Variants in ITSN1 observed in about 807,000 individuals in gnomAD.
The protein encoded by ITSN1 is intersectin 1.
ITSN1 carries 58 observed loss-of-function variants against 239.8 expected under a neutral mutation model. The ratio of observed to expected loss-of-function variants is 0.24; its 90% confidence interval spans 0.20 to 0.30. ITSN1 has a LOEUF of 0.30. Among genes scored for constraint, ITSN1 ranks in the 10% least tolerant of loss-of-function variants. ITSN1 has a pLI of 1.00. For missense variants in ITSN1, 1,558 were observed against 2,103.3 expected (o/e 0.74, Z 5.07); for synonymous variants, 780 against 770.8 (o/e 1.01, Z -0.20).
intron 29 of ITSN1, among the ~76,000 whole-genome samples, chr21:33,849,600 A>G (rs2075096390): frequency 6.6e-6 from 1 of 151,746 alleles, no homozygotes; most frequent in Non-Finnish European, 1.5e-5. Flanking sequence ...AGTATTTGAT[A>G]CCACAACAGA....
chr21:33,816,681 T>TG (rs1219046115), intron 22 of ITSN1, among the ~76,000 whole-genome samples: 3 of 152,146 alleles, frequency 2.0e-5, no homozygotes, highest in Non-Finnish European at 4.4e-5. Context: ...AGGCCAACCC[T>TG]GGGGTCCATA....
chr21:33,886,151 G>A (rs948358461), intron 38 of ITSN1, 136 bp from the exon 39 acceptor site: 2 of 649,918 alleles, frequency 3.1e-6, no homozygotes, highest in African/African-American at 3.7e-5. Context: ...GGTGGAGGTT[G>A]CAATGAGCTG....
chr21:33,817,832 G>T (rs1159113637), intron 22 of ITSN1: 2 of 357,038 alleles, frequency 5.6e-6, no homozygotes, highest in Admixed American at 4.4e-5. Context: ...AATCTAAAAT[G>T]CCAGTTAATG....
At chr21:33,775,379 AC>A (rs2069517619) in intron 14 of ITSN1, among the ~76,000 whole-genome samples, 1 of 152,188 alleles carries the variant, frequency 6.6e-6, no homozygotes, top group Non-Finnish European at 1.5e-5. Flanking sequence ...CTGGGAGCTT[AC>A]CCTCTGTTTG....
chr21:33,856,803 C>T lies in ITSN1; in HGVS notation c.3729C>T (p.His1243=), dbSNP rs770796256. Residue 1243 remains histidine, a synonymous_variant, in exon 30 of 40, where the codon CAC becomes CAT. Transcript: ENST00000381318. The stretch of plus-strand genomic sequence containing the variant: ...AAAGAAAGCGACAAGGATACATCCA[C>T]GAGCTCATTGTCACCGAGGAGAACT... ...PTERKRQGYI[H]ELIVTEENYV... 54 of 1,614,136 alleles carry T rather than the reference C, an allele frequency of 3.3e-5. No individual in the cohort carries two copies. Among genetic ancestry groups the T allele is most frequent in the Middle Eastern group, 1.6e-4 (1 of 6,062 alleles).
chr21:33,874,991 A>G (rs1009095065), intron 33 of ITSN1, among the ~76,000 whole-genome samples: 6 of 152,322 alleles, frequency 3.9e-5, no homozygotes, highest in Admixed American at 1.3e-4. Context: ...CCCCATGGTT[A>G]TATGTACACA....
At chr21:33,829,796 C>G (rs1475778732) in intron 27 of ITSN1, 51 bp downstream of exon 27, 20 of 1,601,344 alleles carry the variant, frequency 1.2e-5, no homozygotes, top group Non-Finnish European at 1.7e-5. Context: ...TTTCAATACA[C>G]AAAATCTCAA....
At chr21:33,808,423 A>G (rs1014563450) in intron 20 of ITSN1, among the ~76,000 whole-genome samples, 5 of 151,996 alleles carry the variant, frequency 3.3e-5, no homozygotes, top group African/African-American at 4.8e-5. Flanking sequence ...CATGTCTACT[A>G]AAAATACAGA....
intron 25 of ITSN1, 56 bp downstream of exon 25, chr21:33,823,709 G>A: frequency 6.6e-7 from 1 of 1,520,634 alleles, no homozygotes; most frequent in Non-Finnish European, 9.0e-7. Context: ...CTCTTTGTGG[G>A]GAGTCACGAT....
intron 28 of ITSN1, among the ~76,000 whole-genome samples, chr21:33,834,925 T>C (rs922157691): frequency 6.6e-6 from 1 of 152,150 alleles, no homozygotes; most frequent in East Asian, 1.9e-4. Context: ...GGCAGGATGT[T>C]GTACTCACTT....
In ITSN1 at chr21:33,782,002, C is replaced by T. The variant is rs139132438; in HGVS notation, c.1693C>T (p.Leu565Phe). 121 of 1,597,250 alleles carry T rather than the reference C, an allele frequency of 7.6e-5. No individual in the cohort carries two copies. The highest frequency in any genetic ancestry group is 9.9e-5 in the Non-Finnish European group (116 of 1,175,720). ...ACGTTTTTCTAAAATAGGAGATTCA[C>T]TTGTTACACTTAAAAGAGCCTTAGA... ...VQQNSLHRDS[L>F]VTLKRALEAK... The change falls in exon 16 of 40, where the codon CTT (leucine) becomes TTT (phenylalanine). Residue 565 changes from leucine (L) to phenylalanine (F), a missense_variant. By Grantham distance (22) the Leu-to-Phe change is conservative (BLOSUM62 0). Coordinates refer to ENST00000381318, the MANE Select transcript of ITSN1 (RefSeq NM_003024.3).
intron 1 of ITSN1, among the ~76,000 whole-genome samples, chr21:33,657,883 G>A (rs1368523704): frequency 6.6e-6 from 1 of 152,154 alleles, no homozygotes; most frequent in African/African-American, 2.4e-5. Context: ...CTACTAGGGA[G>A]GCTGAGGCAG....
At chr21:33,715,248 C>T (rs2065066952) in intron 1 of ITSN1, among the ~76,000 whole-genome samples, 1 of 102,646 alleles carries the variant, frequency 9.7e-6, no homozygotes, top group Non-Finnish European at 1.9e-5. Flanking sequence ...TTCTTTATTT[C>T]CAGAAAATAT....
chr21:33,727,754 G>C (rs1053241282), intron 4 of ITSN1, among the ~76,000 whole-genome samples: 1 of 151,866 alleles, frequency 6.6e-6, no homozygotes, highest in Non-Finnish European at 1.5e-5. Context: ...CAACACCTGG[G>C]CACCGTGCTT....
At chr21:33,687,883 T>C (rs999297653) in intron 1 of ITSN1, among the ~76,000 whole-genome samples, 2 of 152,242 alleles carry the variant, frequency 1.3e-5, no homozygotes, top group African/African-American at 4.8e-5. Context: ...GTTTGATTTT[T>C]CAGGCTGAAT....
At position 33,834,448 on chromosome 21, in the gene ITSN1, T is replaced by C. The variant is rs1156591953; in HGVS notation, c.3469+24T>C. ...AGGTAAGGAGTTTCGCATCTCTAAC[T>C]GGAAGATGGTCTGCATGCCACTTGA... On this transcript the variant is annotated intron_variant, in intron 28 of 39. Transcript: ENST00000381318. The C allele has an allele frequency of 2.0e-6, 3 of 1,482,776 alleles. No homozygotes were observed. In the African/African-American group the frequency reaches 4.2e-5, roughly 21 times the overall value. 91.9% of individuals were successfully genotyped at this position (1,482,776 alleles called of 1,614,324 possible).
At chr21:33,773,935 C>T (rs1411114070) in intron 12 of ITSN1, among the ~76,000 whole-genome samples, 1 of 152,202 alleles carries the variant, frequency 6.6e-6, no homozygotes, top group Non-Finnish European at 1.5e-5. Flanking sequence ...CTGCCTCGGC[C>T]TACCAAAGTG....
intron 33 of ITSN1, among the ~76,000 whole-genome samples, chr21:33,874,753 AT>A (rs1983423407): frequency 6.7e-6 from 1 of 148,638 alleles, no homozygotes; most frequent in African/African-American, 2.5e-5. Context: ...GGTTCAAGCG[AT>A]TCTTCTGCCT....
chr21:33,710,203 C>T (rs1440934807), intron 1 of ITSN1, among the ~76,000 whole-genome samples: 7 of 151,802 alleles, frequency 4.6e-5, no homozygotes, highest in Admixed American at 6.6e-5. Flanking sequence ...CTCAGCTTCC[C>T]GAGTAGCTGG....
Sources: allele counts gnomAD v4.1 joint callset (sites outside exome capture counted in the v4.1 genomes callset), GRCh38; gene constraint gnomAD v4.1.1; transcripts MANE v1.5; gene names NCBI Gene and HGNC (gene_info 2026-07-23, HGNC 2026-07-21).